MAP4: variants seen among roughly 807,000 people sequenced by gnomAD.
MAP4 encodes the protein microtubule associated protein 4, also known as microtubule-associated protein 4.
MAP4 carries 76 observed loss-of-function variants against 170.2 expected under a neutral mutation model. The ratio of observed to expected loss-of-function variants is 0.45; its 90% CI spans 0.37 to 0.54. The LOEUF (loss-of-function observed/expected upper bound fraction) is 0.54, where lower values mean the gene tolerates loss of function less well. Among genes scored for constraint, MAP4 ranks in the 20% least tolerant of loss-of-function variants. MAP4 has a pLI of 0.00. For missense variants in MAP4, 2,506 were observed against 2,748.0 expected (o/e 0.91, Z 1.97); for synonymous variants, 909 against 994.5 (o/e 0.91, Z 1.62).
chr3:47,955,884 C>T (rs1433062331), intron 3 of MAP4, among the ~76,000 whole-genome samples: 1 of 152,142 alleles, frequency 6.6e-6, no homozygotes, highest in Non-Finnish European at 1.5e-5. Context: ...CTTGAAGTGT[C>T]CATGGCAAAT....
At chr3:47,985,383 G>A (rs1178202492) in intron 2 of MAP4, among the ~76,000 whole-genome samples, 2 of 152,204 alleles carry the variant, frequency 1.3e-5, no homozygotes, top group Non-Finnish European at 2.9e-5. Context: ...AGGCTGCAGG[G>A]AGCCAAGATT....
At chr3:48,000,922 C>T (rs141372711) in intron 1 of MAP4, among the ~76,000 whole-genome samples, 16 of 152,288 alleles carry the variant, frequency 1.1e-4, no homozygotes, top group African/African-American at 3.9e-4. Context: ...CTTATTTTAT[C>T]TTCATCTTTG....
upstream of MAP4, among the ~76,000 whole-genome samples, chr3:48,017,960 C>T (rs973134062): frequency 6.6e-6 from 1 of 152,126 alleles, no homozygotes; most frequent in East Asian, 1.9e-4. Flanking sequence ...CTTCCACCTC[C>T]GATCATCAGT....
chr3:47,864,528 T>C (rs886736294), intron 17 of MAP4, among the ~76,000 whole-genome samples: 14 of 151,966 alleles, frequency 9.2e-5, no homozygotes, highest in Non-Finnish European at 2.1e-4. Flanking sequence ...ATATAAAAAA[T>C]TAGCTGGGCA....
chr3:47,867,338 C>T lies in MAP4; in HGVS notation c.6409G>A (p.Val2137Ile). The T allele has an allele frequency of 6.2e-7, 1 of 1,606,196 alleles. No individual in the cohort carries two copies. Among genetic ancestry groups the T allele is most frequent in the Non-Finnish European group, 8.5e-7 (1 of 1,173,244 alleles). ...CTCACTTTTTTGGAGACTATCTGGACCTGGAGTGTTAGAAAATAGAAAAAA... is the reference window on the plus strand; with the variant it reads ...CTCACTTTTTTGGAGACTATCTGGATCTGGAGTGTTAGAAAATAGAAAAAA... Reference protein sequence around the residue: ...ASAQKQPAGKVQIVSKKVSYS... With the variant: ...ASAQKQPAGKIQIVSKKVSYS... The change falls in exon 17 of 21, where the codon GTC becomes ATC. Residue 2137 changes from valine (V) to isoleucine (I), a missense_variant and splice_region_variant. This residue lies in a region of MAP4 where 487 missense variants were observed against 511.6 expected (regional missense o/e 0.95). Transcript: ENST00000683076.
chr3:47,973,696 T>TAA, intron 3 of MAP4: 1 of 985,384 alleles, frequency 1.0e-6, no homozygotes, highest in Non-Finnish European at 1.2e-6. Flanking sequence ...ACCCATAACT[T>TAA]AGACAGCTAC....
chr3:47,956,079 G>A (rs921340850), intron 3 of MAP4, among the ~76,000 whole-genome samples: 3 of 152,070 alleles, frequency 2.0e-5, no homozygotes, highest in Non-Finnish European at 2.9e-5. Flanking sequence ...ATGCAACCAC[G>A]TGTCCTGAGC....
intron 12 of MAP4, among the ~76,000 whole-genome samples, chr3:47,873,271 G>A (rs1224353658): frequency 3.9e-5 from 6 of 152,204 alleles, no homozygotes; most frequent in Non-Finnish European, 2.9e-5. Context: ...CCTTTTACAT[G>A]GAGGCTGAGA....
rs117168316 is a variant in MAP4, at chr3:48,035,567, G to A, written c.-19-36688C>T. ...GAGGATTGCTGGAACCCAGGAGGTT[G>A]AGGCTGCAGTGAGTCGTGATGGCAC... On this transcript the variant is annotated intron_variant, in intron 1 of 18. Coordinates refer to the MAP4 transcript ENST00000360240. Among the ~76,000 whole-genome samples, 320 of 152,240 alleles carry A rather than the reference G, an allele frequency of 2.1e-3. 6 individuals are homozygous for A. In the East Asian group the frequency reaches 0.048, roughly 23 times the overall value.
intron 17 of MAP4, among the ~76,000 whole-genome samples, chr3:47,864,289 C>T (rs899520769): frequency 6.6e-6 from 1 of 152,090 alleles, no homozygotes; most frequent in Admixed American, 6.5e-5. Context: ...TGCTATAATC[C>T]CAGCACTTTG....
At chr3:48,066,842 T>C in intron 1 of MAP4, among the ~76,000 whole-genome samples, 1 of 118,382 alleles carries the variant, frequency 8.4e-6, no homozygotes, top group Non-Finnish European at 1.7e-5. Flanking sequence ...TTTTTTTTTT[T>C]TTTTTTTTTT....
In MAP4 at chr3:47,910,888, T is replaced by A; in HGVS notation, c.3533A>T (p.Asp1178Val). Reference sequence around the variant, plus strand: ...ATTGACACCCATATCTTTGACTACATCTCCTGTTTCTGTGCTAACACCAGA... The same window carrying A: ...ATTGACACCCATATCTTTGACTACAACTCCTGTTTCTGTGCTAACACCAGA... ...QTSGVSTETG[D>V]VVKDMGVNNQ... The change falls in exon 9 of 21, where the codon GAT (aspartate) becomes GTT (valine). Residue 1178 changes from aspartate (D) to valine (V), a missense_variant. Physicochemically the swap from Asp to Val is radical, Grantham distance 152. Coordinates refer to ENST00000683076, the MANE Select transcript of MAP4 (RefSeq NM_001385682.1). 14 of 1,536,130 alleles carry A rather than the reference T, an allele frequency of 9.1e-6. No homozygotes were observed. Among genetic ancestry groups the A allele is most frequent in the Non-Finnish European group, 1.2e-5 (14 of 1,146,908 alleles).
At position 47,969,742 on chromosome 3, in the gene MAP4, C is replaced by T. The variant is rs149826674; in HGVS notation, c.292+8123G>A. ...AAGAGACAAGACATCTGCATCCTGGCACCACACATGTGCAAATCCAGAAGT... is the reference window on the plus strand; with the variant it reads ...AAGAGACAAGACATCTGCATCCTGGTACCACACATGTGCAAATCCAGAAGT... On this transcript the variant is annotated intron_variant, in intron 3 of 20. Coordinates refer to ENST00000683076, the MANE Select transcript of MAP4 (RefSeq NM_001385682.1). Among the ~76,000 whole-genome samples, 113 of 152,128 alleles carry T rather than the reference C, an allele frequency of 7.4e-4. 1 individual carries two copies. The highest frequency in any genetic ancestry group is 2.6e-3 in the African/African-American group (109 of 41,506).
At chr3:48,029,023 G>A (rs574077833) in intron 1 of MAP4, among the ~76,000 whole-genome samples, 1 of 151,956 alleles carries the variant, frequency 6.6e-6, no homozygotes, top group East Asian at 1.9e-4. Flanking sequence ...GCACACACCT[G>A]TAGTCCCAGC....
intron 1 of MAP4, among the ~76,000 whole-genome samples, chr3:48,011,141 C>T (rs1647670262): frequency 6.6e-6 from 1 of 152,184 alleles, no homozygotes; most frequent in African/African-American, 2.4e-5. Flanking sequence ...TCTCACACTA[C>T]TGGAATTATA....
At chr3:47,895,257 A>G (rs2100026206) in intron 10 of MAP4, among the ~76,000 whole-genome samples, 1 of 152,230 alleles carries the variant, frequency 6.6e-6, no homozygotes, top group Admixed American at 6.5e-5. Flanking sequence ...TGTGTCACTT[A>G]ATAGTTAAGA....
At chr3:48,026,905 C>A (rs996277532) in intron 1 of MAP4, among the ~76,000 whole-genome samples, 6 of 152,144 alleles carry the variant, frequency 3.9e-5, no homozygotes, top group Non-Finnish European at 8.8e-5. Context: ...ACCACGACTA[C>A]CCCCCAAAAA....
intron 1 of MAP4, among the ~76,000 whole-genome samples, chr3:48,042,360 A>G (rs990315233): frequency 2.0e-5 from 3 of 152,228 alleles, no homozygotes; most frequent in Non-Finnish European, 4.4e-5. Context: ...TGCTATAAGA[A>G]TATCAGCAGT....
Position 48,009,599 on chromosome 3 carries a change from G to A in MAP4, c.-20+6735C>T, listed in dbSNP as rs537512106. Among the ~76,000 whole-genome samples the A allele has an allele frequency of 5.9e-5, 9 of 152,264 alleles. No individual in the cohort carries two copies. The South Asian group carries it at 1.2e-3, about 21-fold the overall frequency. On this transcript the variant is annotated intron_variant, in intron 1 of 20. Coordinates refer to ENST00000683076, the MANE Select transcript of MAP4 (RefSeq NM_001385682.1). ...GGCCTATTGAAGTCACAATTACAACGCCAACTAGGTGACAATACTTTGCAG... is the reference window on the plus strand; with the variant it reads ...GGCCTATTGAAGTCACAATTACAACACCAACTAGGTGACAATACTTTGCAG...
Sources: allele counts gnomAD v4.1 joint callset (sites outside exome capture counted in the v4.1 genomes callset), GRCh38; gene constraint gnomAD v4.1.1; regional missense constraint gnomAD v4.1.1; transcripts MANE v1.5; gene names NCBI Gene and HGNC (gene_info 2026-07-23, HGNC 2026-07-21).